Variants in CATSPERE observed in about 807,000 individuals in gnomAD.
The protein encoded by CATSPERE is cation channel sperm-associated auxiliary subunit epsilon.
A neutral mutation model predicts 114.1 loss-of-function variants in CATSPERE; 93 were observed. That is an observed-to-expected ratio of 0.81 (90% CI 0.69 to 0.97). The LOEUF (loss-of-function observed/expected upper bound fraction) is 0.97, where lower values mean the gene tolerates loss of function less well. CATSPERE is among the 50% of genes least tolerant of loss of function. The probability of loss-of-function intolerance (pLI) is 0.00; values close to 1 mark genes in which losing one functional copy is unlikely to be tolerated. For synonymous variants in CATSPERE, 341 were observed against 384.1 expected (o/e 0.89, Z 1.31); for missense variants, 1,058 against 1,131.6 (o/e 0.93, Z 0.93).
chr1:244,608,782 G>C (rs576178543), intron 18 of CATSPERE, among the ~76,000 whole-genome samples: 1 of 151,794 alleles, frequency 6.6e-6, no homozygotes, highest in Non-Finnish European at 1.5e-5. Context: ...TGCCAATATC[G>C]ATTTCTCTGT....
rs79695088 is a variant in CATSPERE at position 244,535,948 on chromosome 1, C to T, written c.537-16374C>T. Among the ~76,000 whole-genome samples, 722 of 151,988 alleles carry T rather than the reference C, an allele frequency of 4.8e-3. 6 individuals are homozygous for T. The highest frequency in any genetic ancestry group is 0.017 in the African/African-American group (690 of 41,458). ...GGTGTGTACTGCTTAGCTACCTCTGCTGTTTATTCAGGGCCCAAGAGCTGG... is the reference window on the plus strand; with the variant it reads ...GGTGTGTACTGCTTAGCTACCTCTGTTGTTTATTCAGGGCCCAAGAGCTGG... On this transcript the variant is annotated intron_variant, in intron 8 of 21. Transcript: ENST00000366534.
At chr1:244,526,403 T>C (rs1483766690) in intron 8 of CATSPERE, among the ~76,000 whole-genome samples, 2 of 149,242 alleles carry the variant, frequency 1.3e-5, no homozygotes, top group African/African-American at 4.9e-5. Flanking sequence ...TGAGACCCTG[T>C]ATCAAAAAGA....
intron 17 of CATSPERE, among the ~76,000 whole-genome samples, chr1:244,597,633 T>C (rs1368402339): frequency 6.6e-6 from 1 of 152,090 alleles, no homozygotes; most frequent in Non-Finnish European, 1.5e-5. Context: ...TCCTCTACTT[T>C]AATCCTTTTA....
At chr1:244,560,588 T>C in intron 9 of CATSPERE, 80 bp from the exon 10 acceptor site, 5 of 815,252 alleles carry the variant, frequency 6.1e-6, no homozygotes, top group Non-Finnish European at 8.8e-6. Context: ...AAAAATAAAA[T>C]TTAAATTTTA....
chr1:244,550,861 G>C (rs376719971), intron 8 of CATSPERE, among the ~76,000 whole-genome samples: 5 of 152,302 alleles, frequency 3.3e-5, no homozygotes, highest in Admixed American at 6.5e-5. Context: ...TCAACCTGCT[G>C]TCATTTGGAT....
upstream of CATSPERE, among the ~76,000 whole-genome samples, chr1:244,460,758 A>G (rs1666615083): frequency 1.3e-5 from 2 of 152,158 alleles, no homozygotes; most frequent in South Asian, 4.1e-4. Context: ...TACTCAAAAT[A>G]CAAAAATTAG....
intron 11 of CATSPERE, among the ~76,000 whole-genome samples, chr1:244,574,391 C>A (rs1168579322): frequency 6.6e-6 from 1 of 152,000 alleles, no homozygotes. Flanking sequence ...AGTAAGGAGG[C>A]TTGAAGGCTT....
chr1:244,584,942 C>G (rs1174810224), intron 13 of CATSPERE, among the ~76,000 whole-genome samples: 1 of 152,166 alleles, frequency 6.6e-6, no homozygotes, highest in African/African-American at 2.4e-5. Context: ...AAATAAGAAA[C>G]CACAACCTAG....
intron 11 of CATSPERE, among the ~76,000 whole-genome samples, chr1:244,576,710 G>A (rs1665314750): frequency 1.3e-5 from 2 of 151,966 alleles, no homozygotes; most frequent in Admixed American, 1.3e-4. Flanking sequence ...CTTAAAAACT[G>A]TGTAACTCAA....
intron 1 of CATSPERE, among the ~76,000 whole-genome samples, chr1:244,454,876 A>G (rs1006744893): frequency 6.6e-6 from 1 of 152,150 alleles, no homozygotes; most frequent in African/African-American, 2.4e-5. Context: ...CAGGCTGGTC[A>G]GTTACAAACT....
At chr1:244,628,294 G>A (rs1673463935) in intron 20 of CATSPERE, among the ~76,000 whole-genome samples, 2 of 152,230 alleles carry the variant, frequency 1.3e-5, no homozygotes, top group Admixed American at 6.5e-5. Context: ...GATAAAGGGG[G>A]ACTAGTGCAT....
intron 2 of CATSPERE, among the ~76,000 whole-genome samples, chr1:244,471,565 C>T (rs1185187184): frequency 6.6e-6 from 1 of 152,186 alleles, no homozygotes; most frequent in Non-Finnish European, 1.5e-5. Context: ...CAGCCATTGG[C>T]AGCCACGAAT....
chr1:244,463,533 CAAA>C (rs569666958), intron 1 of CATSPERE, among the ~76,000 whole-genome samples: 2 of 133,628 alleles, frequency 1.5e-5, no homozygotes, highest in South Asian at 4.7e-4. Flanking sequence ...GTCTCAAAAA[CAAA>C]AAAAAAAGAG....
At chr1:244,569,093 C>T (rs1664055761) in intron 10 of CATSPERE, among the ~76,000 whole-genome samples, 1 of 149,644 alleles carries the variant, frequency 6.7e-6, no homozygotes, top group Non-Finnish European at 1.5e-5. Context: ...TCCCTCATGG[C>T]TTCCCTTGGC....
rs186141315 is a variant in CATSPERE at position 244,614,467 on chromosome 1, C to T, written c.2491-3062C>T. On this transcript the variant is annotated intron_variant, in intron 19 of 21. Coordinates refer to ENST00000366534, the MANE Select transcript of CATSPERE (RefSeq NM_001130957.2). ...GACAGTACAGGTCCATACAACTCTA[C>T]GCACAACAAAACTCTGTCCACCTTG... Among the ~76,000 whole-genome samples the T allele has an allele frequency of 5.5e-4, 84 of 152,370 alleles. 1 individual carries two copies. The East Asian group carries it at 0.013, about 23-fold the overall frequency.
At chr1:244,489,350 C>A (rs944912559) in intron 5 of CATSPERE, among the ~76,000 whole-genome samples, 3 of 149,768 alleles carry the variant, frequency 2.0e-5, no homozygotes, top group African/African-American at 4.9e-5. Context: ...CATGTAAAGA[C>A]TGTAGGGTTT....
intron 7 of CATSPERE, among the ~76,000 whole-genome samples, chr1:244,507,269 C>G (rs1018617564): frequency 6.6e-6 from 1 of 152,030 alleles, no homozygotes; most frequent in African/African-American, 2.4e-5. Flanking sequence ...TGGATAAATA[C>G]CTAGTAGTGG....
At chr1:244,639,903 C>CT (rs10572994) in intron 21 of CATSPERE, 25 bp from the exon 22 acceptor site, 29 of 1,363,338 alleles carry the variant, frequency 2.1e-5, no homozygotes, top group African/African-American at 6.1e-5. Context: ...CTTCTAATGC[C>CT]TTTTTTTTTT....
chr1:244,558,881 C>T (rs546827499), intron 9 of CATSPERE, among the ~76,000 whole-genome samples: 2 of 152,260 alleles, frequency 1.3e-5, no homozygotes, highest in African/African-American at 4.8e-5. Context: ...AAGGAGAGTT[C>T]CTCTCCACTC....
Sources: allele counts gnomAD v4.1 joint callset (sites outside exome capture counted in the v4.1 genomes callset), GRCh38; gene constraint gnomAD v4.1.1; transcripts MANE v1.5; gene names NCBI Gene and HGNC (gene_info 2026-07-23, HGNC 2026-07-21).